FHIT: variants seen among roughly 807,000 people sequenced by gnomAD.
FHIT encodes the protein fragile histidine triad diadenosine triphosphatase.
A neutral mutation model predicts 17.9 loss-of-function variants in FHIT; 19 were observed. That is an observed-to-expected ratio of 1.06 (90% CI 0.74 to 1.56). The LOEUF is 1.56. Ranked by LOEUF, FHIT falls within the 40% of genes most tolerant of loss-of-function variation. The pLI, the probability that FHIT is intolerant of heterozygous loss-of-function variation, is 0.00. For missense variants in FHIT, 248 were observed against 189.2 expected (o/e 1.31, Z -1.82); for synonymous variants, 81 against 69.7 (o/e 1.16, Z -0.81).
At chr3:60,898,108 T>TA (rs1307148147) in intron 3 of FHIT, among the ~76,000 whole-genome samples, 13 of 152,238 alleles carry the variant, frequency 8.5e-5, no homozygotes, top group Admixed American at 4.6e-4. Context: ...TTATACCTAT[T>TA]AAAAAAACCC....
At chr3:60,700,259 C>T (rs1391303686) in intron 4 of FHIT, among the ~76,000 whole-genome samples, 1 of 151,416 alleles carries the variant, frequency 6.6e-6, no homozygotes, top group African/African-American at 2.4e-5. Flanking sequence ...AAAATAGAAA[C>T]AATTACTTGT....
chr3:59,956,010 C>T (rs1707375842), intron 7 of FHIT, among the ~76,000 whole-genome samples: 1 of 152,190 alleles, frequency 6.6e-6, no homozygotes, highest in Admixed American at 6.5e-5. Flanking sequence ...ACCTGAAATA[C>T]TTCTTCAAAC....
chr3:60,514,150 T>C (rs1279184101), intron 5 of FHIT, among the ~76,000 whole-genome samples: 1 of 152,220 alleles, frequency 6.6e-6, no homozygotes, highest in Non-Finnish European at 1.5e-5. Flanking sequence ...TGATTCTTCC[T>C]GGATGCCAGA....
chr3:60,159,418 G>A (rs546974274), intron 5 of FHIT, among the ~76,000 whole-genome samples: 3 of 152,266 alleles, frequency 2.0e-5, no homozygotes, highest in Non-Finnish European at 4.4e-5. Context: ...ATAATGCCCA[G>A]CCGATGTGTG....
chr3:60,151,619 C>G (rs73834003), intron 5 of FHIT, among the ~76,000 whole-genome samples: 20,611 of 152,016 alleles, frequency 0.14, 2,322 homozygotes, highest in African/African-American at 0.31. Flanking sequence ...ATTCCTACCA[C>G]TCTCCCTCTC....
intron 4 of FHIT, among the ~76,000 whole-genome samples, chr3:60,758,126 G>C (rs78288823): frequency 6.6e-6 from 1 of 152,122 alleles, no homozygotes; most frequent in African/African-American, 2.4e-5. Flanking sequence ...TCACAGGTTG[G>C]TTGTATCCCA....
In FHIT at chr3:59,884,803, T is replaced by C. The variant is rs868536605; in HGVS notation, c.348+37543A>G. Among the ~76,000 whole-genome samples, 94 of 152,292 alleles carry C rather than the reference T, an allele frequency of 6.2e-4. 1 individual carries two copies. Among genetic ancestry groups the C allele is most frequent in the African/African-American group, 2.1e-3 (88 of 41,566 alleles). On this transcript the variant is annotated intron_variant, in intron 8 of 9. Transcript: ENST00000492590. ...TGCTGAGAAGTAGTTACAGGGTATA[T>C]AGCAGGATAGTATTAAACTGAAAGG... is the stretch of plus-strand genomic sequence containing the variant.
At chr3:61,057,464 G>C (rs17064381) in intron 2 of FHIT, among the ~76,000 whole-genome samples, 22,425 of 152,078 alleles carry the variant, frequency 0.15, 2,254 homozygotes, top group African/African-American at 0.29. Flanking sequence ...GATAGCTCTG[G>C]ATGGTTTCCA....
At chr3:60,925,880 A>G (rs1707576334) in intron 3 of FHIT, among the ~76,000 whole-genome samples, 1 of 152,192 alleles carries the variant, frequency 6.6e-6, no homozygotes, top group Admixed American at 6.5e-5. Flanking sequence ...AAGCAAATGG[A>G]AAACAAAAAA....
intron 2 of FHIT, among the ~76,000 whole-genome samples, chr3:61,062,628 T>C (rs2034467698): frequency 6.6e-6 from 1 of 152,160 alleles, no homozygotes; most frequent in Non-Finnish European, 1.5e-5. Context: ...AGGCATAAAC[T>C]AAAATATCCA....
intron 7 of FHIT, among the ~76,000 whole-genome samples, chr3:59,970,802 C>G (rs945149930): frequency 1.3e-5 from 2 of 150,390 alleles, no homozygotes; most frequent in African/African-American, 2.4e-5. Context: ...CGAATTAATG[C>G]TTGGGATGCA....
chr3:59,807,500 T>C (rs1437894591), intron 8 of FHIT, among the ~76,000 whole-genome samples: 1 of 152,062 alleles, frequency 6.6e-6, no homozygotes, highest in East Asian at 1.9e-4. Flanking sequence ...GTGAAGAAAC[T>C]GAGGCTGAAT....
intron 4 of FHIT, among the ~76,000 whole-genome samples, chr3:60,570,070 T>C (rs2037321241): frequency 6.6e-6 from 1 of 152,022 alleles, no homozygotes; most frequent in South Asian, 2.1e-4. Context: ...ACAAATCAAT[T>C]ATATCACAGT....
At chr3:59,795,086 A>G (rs1404172993) in intron 8 of FHIT, among the ~76,000 whole-genome samples, 1 of 152,200 alleles carries the variant, frequency 6.6e-6, no homozygotes, top group African/African-American at 2.4e-5. Context: ...TCAGGCAGTC[A>G]TTAGCAGTAT....
chr3:60,297,321 C>T (rs1708257309), intron 5 of FHIT, among the ~76,000 whole-genome samples: 1 of 152,078 alleles, frequency 6.6e-6, no homozygotes, highest in Admixed American at 6.6e-5. Flanking sequence ...CTCTCATCAG[C>T]ATTCTGTAGT....
At chr3:60,496,021 T>C (rs1345014914) in intron 5 of FHIT, among the ~76,000 whole-genome samples, 1 of 152,018 alleles carries the variant, frequency 6.6e-6, no homozygotes. Flanking sequence ...TCAAGGCACA[T>C]ATGGAAAAGA....
Position 60,955,610 on chromosome 3 carries a change from A to ATATGTATATATATATG in FHIT, c.-111+86436_-111+86437insCATATATATATACATA, listed in dbSNP as rs1559862270. ...GGCATATATATACATATATATATATATATATATATATATATATATATATAC... is the reference window on the plus strand; with the variant it reads ...GGCATATATATACATATATATATATATATGTATATATATATGTATATATATATATATATATATATAC... On this transcript the variant is annotated intron_variant, in intron 3 of 9. Transcript: ENST00000492590. Among the ~76,000 whole-genome samples, 22 of 13,126 alleles carry ATATGTATATATATATG rather than the reference A, an allele frequency of 1.7e-3. 1 individual carries two copies. The highest frequency in any genetic ancestry group is 0.016 in the Admixed American group (9 of 568). 8.6% of individuals were successfully genotyped at this position (13,126 alleles called of 152,430 possible).
In FHIT at chr3:60,796,367, GT is replaced by G. The variant is rs1700981240; in HGVS notation, c.-18+25551del. ...CTGCATTTTTTCCAGTTTTTTGGCTGTTCCTTTCTTAAGTCAGATGCGTAAT... is the reference window on the plus strand; with the variant it reads ...CTGCATTTTTTCCAGTTTTTTGGCTGTCCTTTCTTAAGTCAGATGCGTAAT... On this transcript the variant is annotated intron_variant, in intron 4 of 9. Coordinates refer to ENST00000492590, the MANE Select transcript of FHIT (RefSeq NM_002012.4). Among the ~76,000 whole-genome samples the G allele has an allele frequency of 2.0e-5, 3 of 151,772 alleles. 1 individual carries two copies. Among genetic ancestry groups the G allele is most frequent in the Admixed American group, 2.0e-4 (3 of 15,230 alleles).
chr3:60,628,646 C>G (rs1433401786), intron 4 of FHIT, among the ~76,000 whole-genome samples: 1 of 152,158 alleles, frequency 6.6e-6, no homozygotes, highest in Non-Finnish European at 1.5e-5. Flanking sequence ...CTTTGATTCT[C>G]TCTGATCATC....
Sources: allele counts gnomAD v4.1 joint callset (sites outside exome capture counted in the v4.1 genomes callset), GRCh38; gene constraint gnomAD v4.1.1; transcripts MANE v1.5; gene names NCBI Gene and HGNC (gene_info 2026-07-23, HGNC 2026-07-21).